The following CFAP47 variants were observed in gnomAD, a reference collection of about 807,000 sequenced individuals.
The protein encoded by CFAP47 is cilia- and flagella-associated protein 47.
CFAP47 carries 29 observed loss-of-function variants against 148.1 expected under a neutral mutation model. The observed-to-expected ratio is 0.20, with a 90% CI of 0.15 to 0.27. The LOEUF (loss-of-function observed/expected upper bound fraction) is 0.27. CFAP47 is among the 10% of genes least tolerant of loss of function. The pLI is 1.00. For missense variants in CFAP47, 1,872 were observed against 1,697.5 expected (o/e 1.10, Z -1.81); for synonymous variants, 664 against 577.3 (o/e 1.15, Z -2.15).
intron 56 of CFAP47, among the ~76,000 whole-genome samples, chrX:36,313,306 A>G (rs1303837852): frequency 9.1e-6 from 1 of 110,439 alleles, no homozygotes; most frequent in African/African-American, 3.3e-5. Flanking sequence ...ATCATGGTGG[A>G]AAAAAAACAG....
intron 57 of CFAP47, among the ~76,000 whole-genome samples, chrX:36,328,536 C>T (rs1556013498): frequency 9.0e-6 from 1 of 111,443 alleles, no homozygotes; most frequent in Non-Finnish European, 1.9e-5. Flanking sequence ...TGGGGCCGGG[C>T]GCGGTGGCTC....
intron 45 of CFAP47, among the ~76,000 whole-genome samples, chrX:36,211,869 C>CT (rs1279842472): frequency 2.5e-4 from 27 of 109,883 alleles, no homozygotes; most frequent in African/African-American, 6.6e-4. Context: ...TGTACAGTGT[C>CT]TTTTTTTTTG....
intron 48 of CFAP47, among the ~76,000 whole-genome samples, chrX:36,239,964 G>A (rs1254611925): frequency 7.2e-5 from 8 of 111,800 alleles, no homozygotes; most frequent in Non-Finnish European, 1.1e-4. Context: ...TTCTTTCACC[G>A]TTTATAGAAA....
chrX:36,266,695 C>T (rs782122407), intron 49 of CFAP47, among the ~76,000 whole-genome samples: 32 of 110,592 alleles, frequency 2.9e-4, no homozygotes, highest in South Asian at 1.6e-3. Flanking sequence ...GGCTGCACTG[C>T]GTGTAGGCAT....
chrX:36,029,662 T>C (rs1469169035), intron 22 of CFAP47, among the ~76,000 whole-genome samples: 1 of 110,568 alleles, frequency 9.0e-6, no homozygotes, highest in African/African-American at 3.3e-5. Context: ...CCTGAAAATT[T>C]TCAATCATCG....
intron 20 of CFAP47, among the ~76,000 whole-genome samples, chrX:36,001,054 G>A (rs1321457377): frequency 1.8e-5 from 2 of 111,710 alleles, no homozygotes; most frequent in Non-Finnish European, 3.8e-5. Context: ...TTACTATCTG[G>A]ATTCTTACAG....
At chrX:36,211,620 G>A in intron 45 of CFAP47, 1 of 195,465 alleles carries the variant, frequency 5.1e-6, no homozygotes, top group Non-Finnish European at 8.8e-6. Context: ...AAAGCCTGAT[G>A]CAGCAAAAAA....
intron 22 of CFAP47, among the ~76,000 whole-genome samples, chrX:36,025,576 T>C (rs1937207068): frequency 9.0e-6 from 1 of 111,603 alleles, no homozygotes; most frequent in Admixed American, 9.5e-5. Flanking sequence ...AGTGGTGAGC[T>C]ATGATCCTGC....
At chrX:35,988,100 A>C (rs1936742716) in intron 15 of CFAP47, among the ~76,000 whole-genome samples, 1 of 111,532 alleles carries the variant, frequency 9.0e-6, no homozygotes, top group Non-Finnish European at 1.9e-5. Flanking sequence ...AACCACCATG[A>C]TATATGATAC....
At chrX:35,964,931 A>G (rs1601904541) in intron 8 of CFAP47, among the ~76,000 whole-genome samples, 1 of 111,288 alleles carries the variant, frequency 9.0e-6, no homozygotes, top group East Asian at 2.8e-4. Context: ...TAGTTAACTT[A>G]CTATGTTTGT....
intron 26 of CFAP47, among the ~76,000 whole-genome samples, chrX:36,047,463 A>G (rs980608286): frequency 1.8e-5 from 2 of 112,279 alleles, no homozygotes; most frequent in Non-Finnish European, 3.8e-5. Flanking sequence ...AGTGAGAAAT[A>G]TCAACATAAT....
chrX:36,137,268 A>G (rs191810205), intron 33 of CFAP47, among the ~76,000 whole-genome samples: 1 of 111,566 alleles, frequency 9.0e-6, no homozygotes, highest in African/African-American at 3.2e-5. Flanking sequence ...TTGGAAACTT[A>G]TTGAAAAAGA....
chrX:36,050,742 G>C (rs1361336716), intron 26 of CFAP47, among the ~76,000 whole-genome samples: 2 of 111,527 alleles, frequency 1.8e-5, no homozygotes, highest in Non-Finnish European at 3.8e-5. Flanking sequence ...AAGACAATGG[G>C]GAAAATGTCT....
At chrX:36,266,362 G>A (rs1940892068) in intron 49 of CFAP47, among the ~76,000 whole-genome samples, 1 of 111,116 alleles carries the variant, frequency 9.0e-6, no homozygotes, top group African/African-American at 3.3e-5. Flanking sequence ...GACACCAGAA[G>A]GAAGTACTTG....
chrX:36,208,142 C>T (rs1940058670), intron 45 of CFAP47, among the ~76,000 whole-genome samples: 1 of 111,379 alleles, frequency 9.0e-6, no homozygotes, highest in African/African-American at 3.3e-5. Flanking sequence ...ATTGTAGGAG[C>T]ACTGTTATCC....
intron 37 of CFAP47, among the ~76,000 whole-genome samples, chrX:36,151,390 A>G (rs182440628): frequency 3.6e-5 from 4 of 111,702 alleles, no homozygotes; most frequent in African/African-American, 9.7e-5. Flanking sequence ...AAATATTAAC[A>G]TACTTAATAT....
chrX:36,260,358 T>C (rs1940802824), intron 49 of CFAP47, among the ~76,000 whole-genome samples: 1 of 112,271 alleles, frequency 8.9e-6, no homozygotes, highest in Non-Finnish European at 1.9e-5. Context: ...GTGTAAGTGT[T>C]CCCTTTTCTT....
At chrX:36,247,340 G>A (rs1348140068) in intron 48 of CFAP47, among the ~76,000 whole-genome samples, 5 of 111,018 alleles carry the variant, frequency 4.5e-5, no homozygotes, top group Non-Finnish European at 9.5e-5. Flanking sequence ...TACTACTTGA[G>A]TGACAAGATC....
chrX:36,322,173 A>G (rs1556012109), intron 57 of CFAP47, among the ~76,000 whole-genome samples: 1 of 111,283 alleles, frequency 9.0e-6, no homozygotes, highest in African/African-American at 3.3e-5. Flanking sequence ...GATCATATAT[A>G]TACTTTTCCC....
Sources: allele counts gnomAD v4.1 joint callset (sites outside exome capture counted in the v4.1 genomes callset), GRCh38; gene constraint gnomAD v4.1.1; transcripts MANE v1.5; gene names NCBI Gene and HGNC (gene_info 2026-07-23, HGNC 2026-07-21).